CALD1: variants seen among roughly 807,000 people sequenced by gnomAD.
CALD1 encodes the protein caldesmon 1.
In CALD1, 33 loss-of-function variants were observed where a neutral mutation model predicts 99.9. The observed-to-expected ratio is 0.33, with a 90% CI of 0.25 to 0.44. CALD1 has a LOEUF of 0.44. Ranked by LOEUF, CALD1 falls within the 20% of genes least tolerant of loss-of-function variation. The pLI, the probability that CALD1 is intolerant of heterozygous loss-of-function variation, is 1.00. For synonymous variants in CALD1, 310 were observed against 325.0 expected (o/e 0.95, Z 0.50); for missense variants, 861 against 962.1 (o/e 0.89, Z 1.39).
intron 1 of CALD1, among the ~76,000 whole-genome samples, chr7:134,808,324 T>C (rs1373894863): frequency 6.6e-6 from 1 of 151,832 alleles, no homozygotes; most frequent in Non-Finnish European, 1.5e-5. Flanking sequence ...CCCAGGCTGG[T>C]CTTGAACTCC....
At chr7:134,774,753 C>G (rs1796903858), upstream of CALD1, among the ~76,000 whole-genome samples, 1 of 152,214 alleles carries the variant, frequency 6.6e-6, no homozygotes, top group Non-Finnish European at 1.5e-5. Context: ...AGTTTCTCAG[C>G]TCTGTTGAGT....
intron 2 of CALD1, among the ~76,000 whole-genome samples, chr7:134,846,198 C>G (rs1248136842): frequency 6.6e-6 from 1 of 152,192 alleles, no homozygotes; most frequent in East Asian, 1.9e-4. Context: ...TTTTCAGGGT[C>G]AGGTGGCTGT....
intron 3 of CALD1, among the ~76,000 whole-genome samples, chr7:134,884,071 C>T (rs1403860668): frequency 6.6e-6 from 1 of 150,610 alleles, no homozygotes; most frequent in Non-Finnish European, 1.5e-5. Flanking sequence ...CATTGCACTC[C>T]AGCCTGGGCA....
chr7:134,845,539 C>A (rs939382384), intron 2 of CALD1, among the ~76,000 whole-genome samples: 1 of 152,196 alleles, frequency 6.6e-6, no homozygotes, highest in Non-Finnish European at 1.5e-5. Flanking sequence ...GTTAAGGTGG[C>A]CTTTCCACAA....
rs565485462 is a variant in CALD1, at chr7:134,747,670, C to T, written c.-130+3307C>T. On this transcript the variant is annotated intron_variant, in intron 1 of 13. Coordinates refer to the CALD1 transcript ENST00000417172. ...CTCCCTGCACTCCATGCCTGTGCCC[C>T]GTGGCTGCCCCAGGGCCAGCTTAGG... 6.6e-4 allele frequency among the ~76,000 whole-genome samples: 100 copies of T among 152,328 alleles called. 1 individual carries two copies. The highest frequency in any genetic ancestry group is 5.8e-4 in the East Asian group (3 of 5,178).
intron 3 of CALD1, among the ~76,000 whole-genome samples, chr7:134,915,776 A>C (rs1356098462): frequency 1.3e-5 from 2 of 152,198 alleles, no homozygotes; most frequent in Non-Finnish European, 2.9e-5. Flanking sequence ...ACTCAAAGGG[A>C]GTCTTTAAGC....
At chr7:134,858,624 C>A (rs983032420) in intron 2 of CALD1, among the ~76,000 whole-genome samples, 1 of 151,888 alleles carries the variant, frequency 6.6e-6, no homozygotes, top group Non-Finnish European at 1.5e-5. Context: ...GGCTGGAGTG[C>A]GGTGGCATGA....
intron 1 of CALD1, among the ~76,000 whole-genome samples, chr7:134,798,862 C>A (rs1384595241): frequency 6.6e-6 from 1 of 152,096 alleles, no homozygotes; most frequent in African/African-American, 2.4e-5. Flanking sequence ...TGGGGTGGCA[C>A]CTTATGGTGG....
At chr7:134,820,388 G>C (rs1254673613) in intron 1 of CALD1, among the ~76,000 whole-genome samples, 1 of 152,188 alleles carries the variant, frequency 6.6e-6, no homozygotes, top group African/African-American at 2.4e-5. Flanking sequence ...GGAGAAATCT[G>C]TCATGGGTAG....
chr7:134,767,736 A>G (rs1389237434), intron 1 of CALD1, among the ~76,000 whole-genome samples: 1 of 152,232 alleles, frequency 6.6e-6, no homozygotes, highest in Non-Finnish European at 1.5e-5. Context: ...AGGACTTGCC[A>G]TCCTGGAGTC....
intron 3 of CALD1, among the ~76,000 whole-genome samples, chr7:134,914,185 A>G (rs1341086924): frequency 3.3e-5 from 5 of 152,240 alleles, no homozygotes; most frequent in African/African-American, 1.2e-4. Flanking sequence ...ATCCAATTTA[A>G]TACGAGGTGG....
chr7:134,915,539 G>T (rs1279567176), intron 3 of CALD1, among the ~76,000 whole-genome samples: 2 of 152,152 alleles, frequency 1.3e-5, no homozygotes, highest in African/African-American at 2.4e-5. Context: ...GGATGGAATT[G>T]CCTTGTTGGG....
intron 1 of CALD1, among the ~76,000 whole-genome samples, chr7:134,774,419 A>ATTTAAACATTTATT (rs1298858557): frequency 1.6e-4 from 25 of 152,088 alleles, no homozygotes; most frequent in Non-Finnish European, 2.8e-4. Context: ...GTTGGCTTTC[A>ATTTAAACATTTATT]TTTAAACATT....
At chr7:134,826,807 TTATATTTTTG>T (rs768952655) in intron 1 of CALD1, among the ~76,000 whole-genome samples, 1 of 152,124 alleles carries the variant, frequency 6.6e-6, no homozygotes, top group Non-Finnish European at 1.5e-5. Flanking sequence ...GTGGGATGCC[TTATATTTTTG>T]TCACCTCCTG....
At chr7:134,925,261 C>T (rs1236132337) in intron 3 of CALD1, among the ~76,000 whole-genome samples, 1 of 152,014 alleles carries the variant, frequency 6.6e-6, no homozygotes, top group East Asian at 1.9e-4. Context: ...TGTGATGTGG[C>T]CTACGTGGCA....
chr7:134,712,810 G>A, the CALD1 span, among the ~76,000 whole-genome samples: 4 of 152,146 alleles, frequency 2.6e-5, no homozygotes, highest in South Asian at 4.1e-4. Context: ...AGTCTAAGAC[G>A]GAATCAGGCG....
At chr7:134,809,497 T>A (rs1299805051) in intron 1 of CALD1, 2 of 152,224 alleles carry the variant, frequency 1.3e-5, no homozygotes, top group Non-Finnish European at 2.9e-5. Context: ...CCACTGCCTG[T>A]TGAGGCTGGA....
At chr7:134,859,313 C>T (rs1349318385) in intron 2 of CALD1, among the ~76,000 whole-genome samples, 2 of 152,144 alleles carry the variant, frequency 1.3e-5, no homozygotes, top group African/African-American at 2.4e-5. Context: ...TGCAAGTCTA[C>T]GCATTTTTTC....
chr7:134,897,522 G>A (rs1032573102), intron 3 of CALD1, among the ~76,000 whole-genome samples: 29 of 152,080 alleles, frequency 1.9e-4, no homozygotes, highest in Admixed American at 1.6e-3. Flanking sequence ...ATAGATTTCA[G>A]AAGCTGCAGA....
Sources: gnomAD v4.1 joint callset for allele counts (sites outside exome capture counted in the v4.1 genomes callset) on GRCh38, gnomAD v4.1.1 for gene constraint, MANE v1.5 for transcripts, NCBI Gene and HGNC (gene_info 2026-07-23, HGNC 2026-07-21) for gene names.